PRRC2B: variants seen among roughly 807,000 people sequenced by gnomAD.
The protein encoded by PRRC2B is protein PRRC2B.
Under a neutral mutation model 242.3 loss-of-function variants are expected in PRRC2B, and 68 were observed. The ratio of observed to expected loss-of-function variants is 0.28; its 90% CI spans 0.23 to 0.34. The LOEUF (loss-of-function observed/expected upper bound fraction) is 0.34. Among genes scored for constraint, PRRC2B ranks in the 10% least tolerant of loss-of-function variants. The pLI, the probability that PRRC2B is intolerant of heterozygous loss-of-function variation, is 1.00. For synonymous variants in PRRC2B, 1,228 were observed against 1,173.6 expected (o/e 1.05, Z -0.95); for missense variants, 2,835 against 2,954.8 (o/e 0.96, Z 0.94).
intron 10 of PRRC2B, among the ~76,000 whole-genome samples, chr9:131,456,475 C>CA (rs1205752539): frequency 6.6e-6 from 1 of 151,790 alleles, no homozygotes; most frequent in Non-Finnish European, 1.5e-5. Flanking sequence ...ACTAAAAATA[C>CA]AAAAAACTAG....
chr9:131,456,709 G>C (rs985631256), intron 10 of PRRC2B, among the ~76,000 whole-genome samples: 11 of 152,120 alleles, frequency 7.2e-5, no homozygotes, highest in African/African-American at 2.7e-4. Flanking sequence ...AGGAGGCTGA[G>C]GTGGGAGGAC....
intron 1 of PRRC2B, among the ~76,000 whole-genome samples, chr9:131,408,530 T>C (rs576741911): frequency 3.9e-5 from 6 of 152,310 alleles, no homozygotes; most frequent in African/African-American, 7.2e-5. Flanking sequence ...ACAGAACTTA[T>C]GTATATTTTT....
In PRRC2B at chr9:131,447,221, T is replaced by A. The variant is rs1396415575; in HGVS notation, c.977+15T>A. 6.2e-7 allele frequency: 1 copy of A among 1,613,886 alleles called. No individual in the cohort carries two copies. The highest frequency in any genetic ancestry group is 8.5e-7 in the Non-Finnish European group (1 of 1,179,846). On this transcript the variant is annotated intron_variant, in intron 8 of 31. Transcript: ENST00000683519. ...GACCAAGACGGGTGAGTCCATTGCA[T>A]TACAGTCACGTGTGTAGAGATGAGT... is the stretch of plus-strand genomic sequence containing the variant.
intron 1 of PRRC2B, among the ~76,000 whole-genome samples, chr9:131,394,595 C>T (rs1385303067): frequency 6.6e-6 from 1 of 151,042 alleles, no homozygotes; most frequent in Non-Finnish European, 1.5e-5. Flanking sequence ...ACCCCCGAGG[C>T]CGGGCCGGGC....
rs1564297788 is a variant in PRRC2B at position 131,477,734 on chromosome 9, T to C, written c.4407-10T>C. ...CAGCTCTGGTTAACAAGATCCTCTT[T>C]CCCTTACAGATCCCCAGACGAGGCC... On this transcript the variant is annotated splice_polypyrimidine_tract_variant and intron_variant, in intron 16 of 31. Transcript: ENST00000683519. 2 of 1,569,074 alleles carry C rather than the reference T, an allele frequency of 1.3e-6. No homozygotes were observed. Among genetic ancestry groups the C allele is most frequent in the Non-Finnish European group, 8.7e-7 (1 of 1,148,332 alleles).
intron 11 of PRRC2B, among the ~76,000 whole-genome samples, chr9:131,461,904 G>T (rs1943253135): frequency 6.6e-6 from 1 of 152,180 alleles, no homozygotes; most frequent in Non-Finnish European, 1.5e-5. Flanking sequence ...TCTTCTTATT[G>T]AATATTTATT....
intron 1 of PRRC2B, among the ~76,000 whole-genome samples, chr9:131,420,741 C>A (rs1406102602): frequency 6.6e-6 from 1 of 151,696 alleles, no homozygotes; most frequent in African/African-American, 2.4e-5. Flanking sequence ...CCTCAGCCTC[C>A]CAAAGTGCTA....
At chr9:131,464,483 A>G (rs1943336021) in intron 11 of PRRC2B, among the ~76,000 whole-genome samples, 1 of 152,166 alleles carries the variant, frequency 6.6e-6, no homozygotes, top group African/African-American at 2.4e-5. Context: ...TTGCTTTGCA[A>G]ACATGGTTTT....
At chr9:131,435,337 G>A (rs1312224158) in intron 3 of PRRC2B, among the ~76,000 whole-genome samples, 9 of 151,240 alleles carry the variant, frequency 6.0e-5, no homozygotes, top group African/African-American at 1.7e-4. Flanking sequence ...ATTGTAGGTC[G>A]GGCGCAGTGG....
At position 131,496,515 on chromosome 9, in the gene PRRC2B, T is replaced by C. The variant is rs1944339565; in HGVS notation, c.*641T>C. 1 of 152,006 alleles carries C rather than the reference T, an allele frequency of 6.6e-6. No individual in the cohort carries two copies. Among genetic ancestry groups the C allele is most frequent in the South Asian group, 2.1e-4 (1 of 4,822 alleles). 9.4% of individuals were successfully genotyped at this position (152,006 alleles called of 1,614,324 possible). On this transcript the variant is annotated 3_prime_UTR_variant, in exon 32 of 32. Transcript: ENST00000683519. The stretch of plus-strand genomic sequence containing the variant: ...TTCCTCAGCTGGTTCACCCTTGAGG[T>C]TATTTGCAAAAAGAAAAGGAGGTTC...
intron 15 of PRRC2B, 45 bp downstream of exon 15, chr9:131,473,769 T>C: frequency 6.8e-7 from 1 of 1,473,656 alleles, no homozygotes; most frequent in Non-Finnish European, 9.4e-7. Context: ...GAAGGAGGAC[T>C]CCAGGTCCTA....
Position 131,482,800 on chromosome 9 carries a change from G to T in PRRC2B, c.5266G>T (p.Gly1756Trp). The stretch of plus-strand genomic sequence containing the variant: ...TCTGAAAAACAGAAAGGGCTCGGAG[G>T]GGGCCGAGCGGCTGCAAGGGGCTGT... ...RSLKNRKGSE[G>W]AERLQGAVVP... Residue 1756 changes from glycine to tryptophan, a missense_variant, in exon 22 of 32, where the codon GGG (glycine) becomes TGG (tryptophan). Around this residue, in one of 7 missense-constraint regions of PRRC2B, gnomAD observed 574 missense variants for 626.0 expected, o/e 0.92. Coordinates refer to ENST00000683519, the MANE Select transcript of PRRC2B (RefSeq NM_013318.4). The surrounding 1 kb of genome is among the most constrained non-coding windows in gnomAD (Gnocchi z 5.2). 4.3e-6 allele frequency: 7 copies of T among 1,610,308 alleles called. No homozygotes were observed. The highest frequency in any genetic ancestry group is 5.9e-6 in the Non-Finnish European group (7 of 1,178,250).
rs1452825902 is a variant in PRRC2B at position 131,475,105 on chromosome 9, T to A, written c.2976T>A (p.Asp992Glu). Reference sequence around the variant, plus strand: ...AAAAGGATGAGGACGAAGAGAACGATGCCTCTCTGGCCAACTCCTCCACCA... The same window carrying A: ...AAAAGGATGAGGACGAAGAGAACGAAGCCTCTCTGGCCAACTCCTCCACCA... ...TAEKDEDEEN[D>E]ASLANSSTTT... is the part of the protein sequence containing the mutation. The change falls in exon 16 of 32, where the codon GAT (aspartate) becomes GAA (glutamate). Residue 992 changes from aspartate (D) to glutamate (E), a missense_variant. Asp to Glu is a conservative substitution (Grantham distance 45). Coordinates refer to ENST00000683519, the MANE Select transcript of PRRC2B (RefSeq NM_013318.4). The A allele has an allele frequency of 6.2e-7, 1 of 1,611,814 alleles. No homozygotes were observed. Among genetic ancestry groups the A allele is most frequent in the South Asian group, 1.1e-5 (1 of 90,590 alleles).
intron 9 of PRRC2B, among the ~76,000 whole-genome samples, chr9:131,449,548 A>G (rs1362076430): frequency 6.6e-6 from 1 of 152,180 alleles, no homozygotes; most frequent in African/African-American, 2.4e-5. Flanking sequence ...TGATAAACAC[A>G]CTTTTATGTG....
chr9:131,478,268 C>T (rs1332392033), intron 17 of PRRC2B, among the ~76,000 whole-genome samples: 2 of 152,128 alleles, frequency 1.3e-5, no homozygotes, highest in Admixed American at 6.6e-5. Context: ...GGTTTAAGCT[C>T]TTTGCGTGTT....
chr9:131,395,720 T>G (rs1837032546), intron 1 of PRRC2B, among the ~76,000 whole-genome samples: 1 of 152,112 alleles, frequency 6.6e-6, no homozygotes, highest in Non-Finnish European at 1.5e-5. Flanking sequence ...GCCTAAGGCA[T>G]GGACAATACA....
intron 1 of PRRC2B, among the ~76,000 whole-genome samples, chr9:131,405,829 C>T (rs1351582599): frequency 6.6e-6 from 1 of 152,174 alleles, no homozygotes; most frequent in East Asian, 1.9e-4. Context: ...CACAGTGCAG[C>T]ACCCCACACT....
chr9:131,404,991 T>C (rs1040218450), intron 1 of PRRC2B, among the ~76,000 whole-genome samples: 1 of 152,262 alleles, frequency 6.6e-6, no homozygotes, highest in Non-Finnish European at 1.5e-5. Context: ...AGATTTCTCT[T>C]CAGAAAACTT....
At chr9:131,454,065 C>G (rs936371312) in intron 9 of PRRC2B, among the ~76,000 whole-genome samples, 1 of 152,200 alleles carries the variant, frequency 6.6e-6, no homozygotes, top group Non-Finnish European at 1.5e-5. Flanking sequence ...AACAATAAAT[C>G]TACTTTCCAT....
Sources: gnomAD v4.1 joint callset for allele counts (sites outside exome capture counted in the v4.1 genomes callset) on GRCh38, gnomAD v4.1.1 for gene constraint, gnomAD v4.1.1 regional missense constraint, Gnocchi (gnomAD v3.1) non-coding constraint, MANE v1.5 for transcripts, NCBI Gene and HGNC (gene_info 2026-07-23, HGNC 2026-07-21) for gene names.